ROMO1: variants seen among roughly 807,000 people sequenced by gnomAD.
ROMO1 encodes reactive oxygen species modulator 1.
ROMO1 carries 8 observed loss-of-function variants against 7.4 expected under a neutral mutation model. The ratio of observed to expected loss-of-function variants is 1.08; its 90% CI spans 0.63 to 1.95. The LOEUF (loss-of-function observed/expected upper bound fraction) is 1.95. ROMO1 is among the 30% of genes most tolerant of loss of function. The pLI is 0.00. For synonymous variants in ROMO1, 43 were observed against 41.4 expected (o/e 1.04, Z -0.15); for missense variants, 91 against 115.9 (o/e 0.79, Z 0.99).
In ROMO1 at chr20:35,699,907, C is replaced by G; in HGVS notation, c.131+144C>G. On this transcript the variant is annotated intron_variant, in intron 2 of 2. Transcript: ENST00000374077. This position sits in a 1 kb window ranked among gnomAD's most constrained non-coding sequence, Gnocchi z 4.4. Reference sequence around the variant, plus strand: ...AGCCAGACTCATTCCAAACCACCTTCAATCTGTAAAGTCAGGTTGGAAGCG... The same window carrying G: ...AGCCAGACTCATTCCAAACCACCTTGAATCTGTAAAGTCAGGTTGGAAGCG... The G allele has an allele frequency of 1.8e-6, 2 of 1,116,404 alleles. No individual in the cohort carries two copies. The highest frequency in any genetic ancestry group is 3.1e-5 in the South Asian group (2 of 63,500). 69.2% of individuals were successfully genotyped at this position (1,116,404 alleles called of 1,614,324 possible).
rs1219049822 is a variant in ROMO1 at position 35,700,948 on chromosome 20, G to C, written c.*42G>C. 1 of 1,360,816 alleles carries C rather than the reference G, an allele frequency of 7.3e-7. No individual in the cohort carries two copies. The allele number at this position is 1,360,816 out of a possible 1,614,324, so 84.3% of individuals were successfully genotyped here. A position where few individuals can be genotyped will look rare whatever the true frequency, so the allele number is the denominator to read the frequency against. The stretch of plus-strand genomic sequence containing the variant: ...CATCTGTCCCTTCCCATCAATCCCA[G>C]CCCATGTACTAATAAAAGAAAGTCT... On this transcript the variant is annotated 3_prime_UTR_variant, in exon 3 of 3. Coordinates refer to ENST00000374077, the MANE Select transcript of ROMO1 (RefSeq NM_080748.3).
At position 35,700,820 on chromosome 20, in the gene ROMO1, C is replaced by A. The variant is rs760523056; in HGVS notation, c.154C>A (p.Leu52Met). The A allele has an allele frequency of 1.2e-6, 2 of 1,614,180 alleles. No homozygotes were observed. The highest frequency in any genetic ancestry group is 1.1e-5 in the South Asian group (1 of 91,088). The change falls in exon 3 of 3, where the codon CTG (leucine) becomes ATG (methionine). Residue 52 changes from leucine to methionine, a missense_variant. Coordinates refer to ENST00000374077, the MANE Select transcript of ROMO1 (RefSeq NM_080748.3). The stretch of plus-strand genomic sequence containing the variant: ...CAGGATCGGAATGCGGGGTCGAGAG[C>A]TGATGGGCGGCATTGGGAAAACCAT... ...CLRIGMRGRE[L>M]MGGIGKTMMQ...
chr20:35,699,509 C>A lies in ROMO1; in HGVS notation c.-1+53C>A. 7.2e-7 allele frequency: 1 copy of A among 1,393,400 alleles called. No homozygotes were observed. Among genetic ancestry groups the A allele is most frequent in the Non-Finnish European group, 9.8e-7 (1 of 1,017,358 alleles). 86.3% of individuals were successfully genotyped at this position (1,393,400 alleles called of 1,614,324 possible). On this transcript the variant is annotated intron_variant, in intron 1 of 2. Transcript: ENST00000374077. The surrounding 1 kb of genome is among the most constrained non-coding windows in gnomAD (Gnocchi z 4.4). ...ACGCGAAGAGGGTGGTGGAGTCGGG[C>A]TACCCACTGATTTTCCTTCCCTTAC...
chr20:35,700,282 CA>C (rs1340175461), intron 2 of ROMO1, among the ~76,000 whole-genome samples: 9 of 152,110 alleles, frequency 5.9e-5, no homozygotes, highest in Admixed American at 2.0e-4. Flanking sequence ...CTGTTATTGC[CA>C]TATCCCTAGA....
In ROMO1 at chr20:35,699,817, G is replaced by GC; in HGVS notation, c.131+58dup. On this transcript the variant is annotated intron_variant, in intron 2 of 2. Transcript: ENST00000374077. This position sits in a 1 kb window ranked among gnomAD's most constrained non-coding sequence, Gnocchi z 4.4. ...CAGGACAACCAGACCTTCCGGCCCT[G>GC]CCCCATTCGGCCTGGAGCCTGAACA... The GC allele has an allele frequency of 6.4e-7, 1 of 1,558,194 alleles. No individual in the cohort carries two copies. Among genetic ancestry groups the GC allele is most frequent in the Non-Finnish European group, 8.7e-7 (1 of 1,155,736 alleles).
rs1231839537 is a variant in ROMO1, at chr20:35,700,926, C to G, written c.*20C>G. 1 of 1,540,346 alleles carries G rather than the reference C, an allele frequency of 6.5e-7. No homozygotes were observed. ...TGCTAACCATGGTTGCCAACTACAT[C>G]TGTCCCTTCCCATCAATCCCAGCCC... is the stretch of plus-strand genomic sequence containing the variant. On this transcript the variant is annotated 3_prime_UTR_variant, in exon 3 of 3. Transcript: ENST00000374077.
rs749369674 is a variant in ROMO1 at position 35,699,734 on chromosome 20, G to A, written c.102G>A (p.Gly34=). The A allele has an allele frequency of 6.2e-7, 1 of 1,611,906 alleles. No homozygotes were observed. The part of the protein sequence containing the change: ...VMGCAVGMAA[G]ALFGTFSCLR... ...GTTGCGCCGTGGGCATGGCGGCCGG[G>A]GCGCTCTTCGGCACCTTTTCCTGTC... is the stretch of plus-strand genomic sequence containing the variant. The change falls in exon 2 of 3, where the codon GGG becomes GGA. Residue 34 remains glycine (G), a synonymous_variant. Transcript: ENST00000374077. The surrounding 1 kb of genome is among the most constrained non-coding windows in gnomAD (Gnocchi z 4.4).
chr20:35,699,699 T>G lies in ROMO1; in HGVS notation c.67T>G (p.Phe23Val). 1.9e-6 allele frequency: 3 copies of G among 1,613,682 alleles called. No individual in the cohort carries two copies. In the South Asian group the frequency reaches 3.3e-5, roughly 18 times the overall value. ...PSCFDRVKMG[F>V]VMGCAVGMAA... is the part of the protein sequence containing the mutation. ...CTGCTTCGACCGTGTCAAAATGGGC[T>G]TCGTGATGGGTTGCGCCGTGGGCAT... Residue 23 changes from phenylalanine (F) to valine (V), a missense_variant, in exon 2 of 3, where the codon TTC becomes GTC. By Grantham distance (50) the Phe-to-Val change is conservative. Transcript: ENST00000374077. This position sits in a 1 kb window ranked among gnomAD's most constrained non-coding sequence, Gnocchi z 4.4.
rs76438345 is a variant in ROMO1, at chr20:35,699,965, A to G, written c.131+202A>G. On this transcript the variant is annotated intron_variant, in intron 2 of 2. Transcript: ENST00000374077. The surrounding 1 kb of genome is among the most constrained non-coding windows in gnomAD (Gnocchi z 4.4). ...TTAAGAATTTGAGCTTTAGAGTCAA[A>G]ATGCTTTCTGGCCCTTTTCTTACTG... is the stretch of plus-strand genomic sequence containing the variant. Among the ~76,000 whole-genome samples the G allele has an allele frequency of 0.01, 1,547 of 152,290 alleles. 15 individuals are homozygous for G. Among genetic ancestry groups the G allele is most frequent in the African/African-American group, 0.035 (1,459 of 41,552 alleles).
intron 2 of ROMO1, among the ~76,000 whole-genome samples, chr20:35,700,192 G>A (rs986840952): frequency 6.6e-6 from 1 of 151,842 alleles, no homozygotes; most frequent in African/African-American, 2.4e-5. Context: ...CTCGTTCAGC[G>A]GTTTTACTAT....
rs1385956389 is a variant in ROMO1 at position 35,699,575 on chromosome 20, C to G, written c.1-58C>G. 2.5e-6 allele frequency: 4 copies of G among 1,601,812 alleles called. No homozygotes were observed. The Admixed American group carries it at 5.0e-5, about 20-fold the overall frequency. ...GGGCCCACTTCCCAGCCTACCGCTTCCGTCCCCGCCCGACTCTTGGGCCAG... is the reference window on the plus strand; with the variant it reads ...GGGCCCACTTCCCAGCCTACCGCTTGCGTCCCCGCCCGACTCTTGGGCCAG... On this transcript the variant is annotated intron_variant, in intron 1 of 2. Transcript: ENST00000374077. This position sits in a 1 kb window ranked among gnomAD's most constrained non-coding sequence, Gnocchi z 4.4.
rs954949639 is a variant in ROMO1 at position 35,699,616 on chromosome 20, T to C, written c.1-17T>C. The C allele has an allele frequency of 7.4e-6, 12 of 1,611,506 alleles. No homozygotes were observed. Among genetic ancestry groups the C allele is most frequent in the African/African-American group, 1.3e-5 (1 of 74,924 alleles). Reference sequence around the variant, plus strand: ...CTTGGGCCAGCGCCTGGGCCCACACTTTCCTATCCCCCGCAGATGCCGGTG... The same window carrying C: ...CTTGGGCCAGCGCCTGGGCCCACACCTTCCTATCCCCCGCAGATGCCGGTG... On this transcript the variant is annotated splice_polypyrimidine_tract_variant and intron_variant, in intron 1 of 2. Transcript: ENST00000374077. The surrounding 1 kb of genome is among the most constrained non-coding windows in gnomAD (Gnocchi z 4.4).
rs754824270 is a variant in ROMO1 at position 35,699,655 on chromosome 20, A to G, written c.23A>G (p.Tyr8Cys). ...CAGATGCCGGTGGCCGTGGGTCCCT[A>G]CGGACAGTCCCAGCCAAGCTGCTTC... MPVAVGP[Y>C]GQSQPSCFDR... Residue 8 changes from tyrosine to cysteine, a missense_variant, in exon 2 of 3, where the codon TAC becomes TGC. Coordinates refer to ENST00000374077, the MANE Select transcript of ROMO1 (RefSeq NM_080748.3). This position sits in a 1 kb window ranked among gnomAD's most constrained non-coding sequence, Gnocchi z 4.4. 3.1e-6 allele frequency: 5 copies of G among 1,613,472 alleles called. No individual in the cohort carries two copies. In the Admixed American group the frequency reaches 5.0e-5, roughly 16 times the overall value.
rs143225968 is a variant in ROMO1 at position 35,700,668 on chromosome 20, A to G, written c.132-130A>G. ...TTACCCACCCCAGGTAGTAAGATAT[A>G]ATATCCAGTAAGTGGAAAATCAGAT... On this transcript the variant is annotated intron_variant, in intron 2 of 2. Transcript: ENST00000374077. 5.3e-5 allele frequency: 38 copies of G among 714,212 alleles called. No homozygotes were observed. In the East Asian group the frequency reaches 5.9e-4, roughly 11 times the overall value. The allele number at this position is 714,212 out of a possible 1,614,324, so 44.2% of individuals were successfully genotyped here.
Position 35,699,834 on chromosome 20 carries a change from G to C in ROMO1, c.131+71G>C, listed in dbSNP as rs1284658270. 8 of 1,520,798 alleles carry C rather than the reference G, an allele frequency of 5.3e-6. No individual in the cohort carries two copies. Among genetic ancestry groups the C allele is most frequent in the Non-Finnish European group, 7.0e-6 (8 of 1,136,744 alleles). 94.2% of individuals were successfully genotyped at this position (1,520,798 alleles called of 1,614,324 possible). The stretch of plus-strand genomic sequence containing the variant: ...CCGGCCCTGCCCCATTCGGCCTGGA[G>C]CCTGAACACAGCCTCCTTCTTTCGA... On this transcript the variant is annotated intron_variant, in intron 2 of 2. Coordinates refer to ENST00000374077, the MANE Select transcript of ROMO1 (RefSeq NM_080748.3). This position sits in a 1 kb window ranked among gnomAD's most constrained non-coding sequence, Gnocchi z 4.4.
At position 35,699,607 on chromosome 20, in the gene ROMO1, G is replaced by C. The variant is rs1260782545; in HGVS notation, c.1-26G>C. On this transcript the variant is annotated intron_variant, in intron 1 of 2. Transcript: ENST00000374077. The surrounding 1 kb of genome is among the most constrained non-coding windows in gnomAD (Gnocchi z 4.4). ...CGCCCGACTCTTGGGCCAGCGCCTGGGCCCACACTTTCCTATCCCCCGCAG... is the reference window on the plus strand; with the variant it reads ...CGCCCGACTCTTGGGCCAGCGCCTGCGCCCACACTTTCCTATCCCCCGCAG... The C allele has an allele frequency of 7.5e-6, 12 of 1,610,214 alleles. No individual in the cohort carries two copies. Among genetic ancestry groups the C allele is most frequent in the Non-Finnish European group, 9.3e-6 (11 of 1,179,896 alleles).
Position 35,699,622 on chromosome 20 carries a change from A to G in ROMO1, c.1-11A>G. ...CCAGCGCCTGGGCCCACACTTTCCT[A>G]TCCCCCGCAGATGCCGGTGGCCGTG... On this transcript the variant is annotated splice_polypyrimidine_tract_variant and intron_variant, in intron 1 of 2. Coordinates refer to ENST00000374077, the MANE Select transcript of ROMO1 (RefSeq NM_080748.3). This position sits in a 1 kb window ranked among gnomAD's most constrained non-coding sequence, Gnocchi z 4.4. The G allele has an allele frequency of 6.2e-7, 1 of 1,612,020 alleles. No individual in the cohort carries two copies. The highest frequency in any genetic ancestry group is 8.5e-7 in the Non-Finnish European group (1 of 1,179,902).
Position 35,699,427 on chromosome 20 carries a change from C to G in ROMO1, c.-30C>G. ...GTCGTTTTCCGTGAGAGACGTAGAG[C>G]TGAGCGACCCAGCCCGCGAGCGAGG... is the stretch of plus-strand genomic sequence containing the variant. On this transcript the variant is annotated 5_prime_UTR_variant, in exon 1 of 3. Coordinates refer to ENST00000374077, the MANE Select transcript of ROMO1 (RefSeq NM_080748.3). The surrounding 1 kb of genome is among the most constrained non-coding windows in gnomAD (Gnocchi z 4.4). The G allele has an allele frequency of 8.4e-7, 1 of 1,184,826 alleles. No homozygotes were observed. Among genetic ancestry groups the G allele is most frequent in the Non-Finnish European group, 1.1e-6 (1 of 872,996 alleles). The allele number at this position is 1,184,826 out of a possible 1,614,324, so 73.4% of individuals were successfully genotyped here. A position where few individuals can be genotyped will look rare whatever the true frequency, so the allele number is the denominator to read the frequency against.
chr20:35,700,218 C>G (rs750924268), intron 2 of ROMO1, among the ~76,000 whole-genome samples: 7 of 152,054 alleles, frequency 4.6e-5, no homozygotes, highest in Admixed American at 1.3e-4. Context: ...ATACAGGATA[C>G]AGAGATAAAG....
Sources: gnomAD v4.1 joint callset for allele counts (sites outside exome capture counted in the v4.1 genomes callset) on GRCh38, gnomAD v4.1.1 for gene constraint, Gnocchi (gnomAD v3.1) non-coding constraint, MANE v1.5 for transcripts, NCBI Gene and HGNC (gene_info 2026-07-23, HGNC 2026-07-21) for gene names.